ADA2: variants seen among roughly 807,000 people sequenced by gnomAD.
The protein encoded by ADA2 is adenosine deaminase 2, also known as adenosine deaminase CECR1.
In ADA2, 29 loss-of-function variants were observed where a neutral mutation model predicts 44.2. The observed-to-expected ratio is 0.66, with a 90% CI of 0.49 to 0.89. The LOEUF is 0.89. Ranked by LOEUF, ADA2 falls within the 40% of genes least tolerant of loss-of-function variation. ADA2 has a pLI of 0.00. For missense variants in ADA2, 637 were observed against 644.8 expected (o/e 0.99, Z 0.13); for synonymous variants, 215 against 234.9 (o/e 0.92, Z 0.77).
At chr22:17,199,855 T>C (rs1300409577) in intron 4 of ADA2, 43 of 922,602 alleles carry the variant, frequency 4.7e-5, no homozygotes, top group Non-Finnish European at 5.8e-5. Flanking sequence ...GACGTGGGTG[T>C]ATTTGCCTGA....
At position 17,180,220 on chromosome 22, in the gene ADA2, G is replaced by A. The variant is rs1331548094; in HGVS notation, c.*1263C>T. 6.6e-6 allele frequency: 1 copy of A among 152,430 alleles called. No homozygotes were observed. Among genetic ancestry groups the A allele is most frequent in the Admixed American group, 6.6e-5 (1 of 15,264 alleles). The allele number at this position is 152,430 out of a possible 1,614,324, so 9.4% of individuals were successfully genotyped here. On this transcript the variant is annotated 3_prime_UTR_variant, in exon 10 of 10. Transcript: ENST00000399837. ...AAGGGAAGAAAGGGGAGATCAGTGA[G>A]GAGGCTGTTGTCATAGCTCAGGCAG...
At chr22:17,215,118 A>T (rs1262901027) in intron 1 of ADA2, among the ~76,000 whole-genome samples, 9 of 152,206 alleles carry the variant, frequency 5.9e-5, no homozygotes, top group Non-Finnish European at 1.3e-4. Flanking sequence ...ATCAAACCGC[A>T]TATGCTATTG....
intron 1 of ADA2, among the ~76,000 whole-genome samples, chr22:17,218,735 A>G (rs192618432): frequency 4.6e-5 from 7 of 152,324 alleles, no homozygotes; most frequent in African/African-American, 7.2e-5. Context: ...CTGGTTGAAT[A>G]CTAGTAAAAA....
At chr22:17,185,089 G>T (rs1392803157) in intron 7 of ADA2, among the ~76,000 whole-genome samples, 2 of 148,222 alleles carry the variant, frequency 1.3e-5, no homozygotes, top group African/African-American at 2.5e-5. Flanking sequence ...GATTTTCACT[G>T]GTTTTTAAAG....
Position 17,199,774 on chromosome 22 carries a change from T to C in ADA2, c.753+3789A>G, listed in dbSNP as rs1441587524. The C allele has an allele frequency of 2.1e-6, 3 of 1,436,640 alleles. No homozygotes were observed. In the East Asian group the frequency reaches 7.6e-5, roughly 36 times the overall value. The allele number at this position is 1,436,640 out of a possible 1,614,324, so 89.0% of individuals were successfully genotyped here. A position where few individuals can be genotyped will look rare whatever the true frequency, so the allele number is the denominator to read the frequency against. On this transcript the variant is annotated intron_variant, in intron 4 of 9. Coordinates refer to ENST00000399837, the MANE Select transcript of ADA2 (RefSeq NM_001282225.2). ...GCTCTTTGACCTTTCCAGGCTTTAG[T>C]TTCGACATCAATAAGATGAATTAAT... is the stretch of plus-strand genomic sequence containing the variant.
At chr22:17,199,789 G>A in intron 4 of ADA2, 1 of 1,416,860 alleles carries the variant, frequency 7.1e-7, no homozygotes, top group Non-Finnish European at 9.2e-7. Context: ...ACATCAATAA[G>A]ATGAATTAAT....
intron 6 of ADA2, chr22:17,188,868 A>AAAAAAAAAAAAAAAAAAAAATATAT: frequency 3.7e-5 from 3 of 81,176 alleles, no homozygotes; most frequent in African/African-American, 1.3e-4. Flanking sequence ...AAGAGCAAAA[A>AAAAAAAAAAAAAAAAAAAAATATAT]ATATATATAT....
At chr22:17,204,903 T>C (rs1471963712) in intron 3 of ADA2, among the ~76,000 whole-genome samples, 1 of 150,804 alleles carries the variant, frequency 6.6e-6, no homozygotes, top group Non-Finnish European at 1.5e-5. Context: ...CAAGCAATCC[T>C]CTTATGTCAG....
rs146784122 is a variant in ADA2, at chr22:17,194,905, C to A, written c.754-3095G>T. Among the ~76,000 whole-genome samples the A allele has an allele frequency of 5.9e-3, 902 of 152,048 alleles. 4 individuals are homozygous for A. The highest frequency in any genetic ancestry group is 7.1e-3 in the South Asian group (34 of 4,812). ...AAGAGCTCTTTGCCCACCTCATCTG[C>A]CTAAATTTCCCTTTGTGAAGGTGTC... On this transcript the variant is annotated intron_variant, in intron 4 of 9. Coordinates refer to ENST00000399837, the MANE Select transcript of ADA2 (RefSeq NM_001282225.2).
intron 5 of ADA2, among the ~76,000 whole-genome samples, chr22:17,191,244 C>G (rs141029768): frequency 6.6e-6 from 1 of 152,220 alleles, no homozygotes; most frequent in East Asian, 1.9e-4. Context: ...GGTCCCCACA[C>G]GCAGACTTGA....
chr22:17,212,841 G>A (rs1199999905), intron 1 of ADA2, among the ~76,000 whole-genome samples: 2 of 150,240 alleles, frequency 1.3e-5, no homozygotes, highest in Admixed American at 6.7e-5. Flanking sequence ...ATGCAGTAGC[G>A]TGAGTCCACT....
At chr22:17,199,427 C>CTCCTCTATCCTCTTCCCCTCCCTCCCT in intron 4 of ADA2, 3 of 991,238 alleles carry the variant, frequency 3.0e-6, no homozygotes, top group Non-Finnish European at 4.8e-6. Context: ...CCTCCCTCCC[C>CTCCTCTATCCTCTTCCCCTCCCTCCCT]TCCTCTATCC....
chr22:17,213,853 C>T (rs1183839374), intron 1 of ADA2: 2 of 283,866 alleles, frequency 7.0e-6, no homozygotes, highest in South Asian at 3.3e-5. Context: ...GTCTGGCCAA[C>T]ACGGTGAAAC....
In ADA2 at chr22:17,182,509, T is replaced by G. The variant is rs2061983864; in HGVS notation, c.1239+95A>C. 3 of 1,232,212 alleles carry G rather than the reference T, an allele frequency of 2.4e-6. No individual in the cohort carries two copies. In the Admixed American group the frequency reaches 5.3e-5, roughly 22 times the overall value. The allele number at this position is 1,232,212 out of a possible 1,614,324, so 76.3% of individuals were successfully genotyped here. ...TGGAGGGATGTAGGTAACAAGAGAGTTAAGGAGAGATAAGTTATACAGCAA... is the reference window on the plus strand; with the variant it reads ...TGGAGGGATGTAGGTAACAAGAGAGGTAAGGAGAGATAAGTTATACAGCAA... On this transcript the variant is annotated intron_variant, in intron 8 of 9. Coordinates refer to ENST00000399837, the MANE Select transcript of ADA2 (RefSeq NM_001282225.2).
chr22:17,203,864 C>A, intron 3 of ADA2, 91 bp from the exon 4 acceptor site: 1 of 773,446 alleles, frequency 1.3e-6, no homozygotes. Flanking sequence ...CTTGCATATC[C>A]CAGCTAGCAG....
At chr22:17,206,526 G>A (rs983351644) in intron 3 of ADA2, among the ~76,000 whole-genome samples, 1 of 152,088 alleles carries the variant, frequency 6.6e-6, no homozygotes, top group Non-Finnish European at 1.5e-5. Flanking sequence ...CAAAAATAGT[G>A]TTGCTGATAA....
intron 7 of ADA2, among the ~76,000 whole-genome samples, chr22:17,183,955 CTTTTTTTTTT>C (rs33921509): frequency 2.5e-5 from 2 of 79,778 alleles, no homozygotes; most frequent in Admixed American, 2.0e-4. Flanking sequence ...TCACACCTTT[CTTTTTTTTTT>C]TTTTTTTTTT....
chr22:17,202,386 G>A (rs1233319208), intron 4 of ADA2, among the ~76,000 whole-genome samples: 3 of 152,042 alleles, frequency 2.0e-5, no homozygotes, highest in South Asian at 2.1e-4. Context: ...TCAGCCTCCC[G>A]AGTGCTGAGA....
At chr22:17,212,984 C>A (rs1312197748) in intron 1 of ADA2, among the ~76,000 whole-genome samples, 1 of 147,340 alleles carries the variant, frequency 6.8e-6, no homozygotes, top group Non-Finnish European at 1.5e-5. Flanking sequence ...GAGACAGGGT[C>A]TCACTATGTT....
Sources: allele counts gnomAD v4.1 joint callset (sites outside exome capture counted in the v4.1 genomes callset), GRCh38; gene constraint gnomAD v4.1.1; transcripts MANE v1.5; gene names NCBI Gene and HGNC (gene_info 2026-07-23, HGNC 2026-07-21).